SAMMSON: variants seen among roughly 807,000 people sequenced by gnomAD.
SAMMSON encodes survival associated mitochondrial melanoma specific oncogenic non-coding RNA, also known as long intergenic non-protein coding RNA 1212.
intron 4 of SAMMSON, among the ~76,000 whole-genome samples, chr3:70,106,341 CTT>C (rs770411041): frequency 2.7e-4 from 37 of 137,454 alleles, no homozygotes; most frequent in South Asian, 4.7e-4. Context: ...TGAGAATCTG[CTT>C]TTTTTTTTTT....
At chr3:70,008,085 C>T (rs2066936121) in intron 1 of SAMMSON, among the ~76,000 whole-genome samples, 1 of 152,104 alleles carries the variant, frequency 6.6e-6, no homozygotes, top group South Asian at 2.1e-4. Flanking sequence ...AGCATGATGC[C>T]TCCAGCTTTG....
chr3:70,250,167 G>T (rs981057771), intron 6 of SAMMSON, among the ~76,000 whole-genome samples: 2 of 152,082 alleles, frequency 1.3e-5, no homozygotes, highest in African/African-American at 4.8e-5. Flanking sequence ...AATAAATATT[G>T]TGAAGGATTT....
At chr3:70,411,022 A>T (rs1316306200) in intron 2 of SAMMSON, among the ~76,000 whole-genome samples, 1 of 152,212 alleles carries the variant, frequency 6.6e-6, no homozygotes, top group Non-Finnish European at 1.5e-5. Context: ...GTGCATTGAC[A>T]TTGTTTAGCA....
In SAMMSON at chr3:70,359,671, G is replaced by T. The variant is rs191531093; in HGVS notation, n.913+1347G>T. Among the ~76,000 whole-genome samples, 19 of 152,088 alleles carry T rather than the reference G, an allele frequency of 1.2e-4. No homozygotes were observed. In the East Asian group the frequency reaches 3.5e-3, roughly 28 times the overall value. The stretch of plus-strand genomic sequence containing the variant: ...CACACTTAAGACTATTCATTTACTT[G>T]TTTAAAATATTTAGATTTTTCATTT... On this transcript the variant is annotated intron_variant and non_coding_transcript_variant, in intron 9 of 9. Transcript: ENST00000642114.
intron 3 of SAMMSON, among the ~76,000 whole-genome samples, chr3:70,024,519 G>A (rs921093221): frequency 6.6e-6 from 1 of 152,150 alleles, no homozygotes; most frequent in African/African-American, 2.4e-5. Flanking sequence ...CAAAGACATG[G>A]AGCCAGTAAG....
chr3:70,384,102 G>C (rs1476614539), intron 9 of SAMMSON, among the ~76,000 whole-genome samples: 1 of 151,388 alleles, frequency 6.6e-6, no homozygotes, highest in East Asian at 1.9e-4. Context: ...AAATTACCCA[G>C]GGCAGAAAAC....
chr3:70,345,035 C>G (rs564902551), intron 7 of SAMMSON, among the ~76,000 whole-genome samples: 2 of 152,276 alleles, frequency 1.3e-5, no homozygotes, highest in South Asian at 4.1e-4. Context: ...TGTATACTAA[C>G]TCATATAAAT....
At chr3:70,101,529 A>G (rs1299586267) in intron 4 of SAMMSON, among the ~76,000 whole-genome samples, 1 of 152,166 alleles carries the variant, frequency 6.6e-6, no homozygotes, top group Non-Finnish European at 1.5e-5. Flanking sequence ...TATAGATTAA[A>G]GAGTGAGAAA....
chr3:70,383,222 A>G (rs1703088437), intron 9 of SAMMSON, among the ~76,000 whole-genome samples: 1 of 151,992 alleles, frequency 6.6e-6, no homozygotes, highest in Non-Finnish European at 1.5e-5. Flanking sequence ...TTAATTATAT[A>G]TAAAAAGACA....
At chr3:70,363,041 C>T (rs1282005553) in intron 9 of SAMMSON, among the ~76,000 whole-genome samples, 1 of 151,390 alleles carries the variant, frequency 6.6e-6, no homozygotes, top group Non-Finnish European at 1.5e-5. Context: ...ACAGATAGAC[C>T]ATAGTAAAGA....
At chr3:70,407,490 CA>C (rs1230008779) in intron 2 of SAMMSON, among the ~76,000 whole-genome samples, 1 of 152,086 alleles carries the variant, frequency 6.6e-6, no homozygotes, top group Non-Finnish European at 1.5e-5. Context: ...AGAAATTGGC[CA>C]AAACAAAGGA....
intron 4 of SAMMSON, among the ~76,000 whole-genome samples, chr3:70,248,194 T>C (rs1701726653): frequency 6.6e-6 from 1 of 152,090 alleles, no homozygotes; most frequent in African/African-American, 2.4e-5. Flanking sequence ...AGTAAGTAAA[T>C]AATTGCAAAG....
At chr3:70,300,279 C>A (rs1480224431) in intron 7 of SAMMSON, among the ~76,000 whole-genome samples, 2 of 152,098 alleles carry the variant, frequency 1.3e-5, no homozygotes, top group African/African-American at 4.8e-5. Context: ...AACATTTCTC[C>A]TTTATTTAAA....
intron 3 of SAMMSON, among the ~76,000 whole-genome samples, chr3:70,042,715 G>A (rs1038767162): frequency 6.6e-6 from 1 of 152,076 alleles, no homozygotes. Flanking sequence ...ACAAAGTCAA[G>A]GACTGTGCGT....
At chr3:70,416,303 C>G (rs1432022964) in intron 2 of SAMMSON, among the ~76,000 whole-genome samples, 1 of 152,132 alleles carries the variant, frequency 6.6e-6, no homozygotes, top group Non-Finnish European at 1.5e-5. Context: ...ATAAAGGTAT[C>G]TATTCCTTTT....
intron 9 of SAMMSON, among the ~76,000 whole-genome samples, chr3:70,384,526 T>A (rs1291087884): frequency 6.6e-6 from 1 of 152,022 alleles, no homozygotes; most frequent in African/African-American, 2.4e-5. Flanking sequence ...CCTCCGGACA[T>A]AAAACTTCTG....
intron 4 of SAMMSON, chr3:70,096,084 G>C (rs2067322090): frequency 6.6e-6 from 1 of 152,196 alleles, no homozygotes; most frequent in Admixed American, 6.5e-5. Context: ...TTTTACTGGG[G>C]AAGGCTCTTC....
intron 7 of SAMMSON, among the ~76,000 whole-genome samples, chr3:70,326,982 C>T (rs913474886): frequency 2.0e-5 from 3 of 152,138 alleles, no homozygotes; most frequent in African/African-American, 7.2e-5. Flanking sequence ...CCTAAGCCTC[C>T]TGAGTAGCTA....
intron 3 of SAMMSON, among the ~76,000 whole-genome samples, chr3:70,034,654 G>T (rs879672688): frequency 6.6e-6 from 1 of 152,052 alleles, no homozygotes; most frequent in Non-Finnish European, 1.5e-5. Flanking sequence ...GACCAGCCTG[G>T]CCAACATGGT....
Sources: gnomAD v4.1 joint callset for allele counts (sites outside exome capture counted in the v4.1 genomes callset) on GRCh38, gnomAD v4.1.1 for gene constraint, MANE v1.5 for transcripts, NCBI Gene and HGNC (gene_info 2026-07-23, HGNC 2026-07-21) for gene names.